Variants in DNAH2 observed in about 807,000 individuals in gnomAD.
DNAH2 encodes dynein axonemal heavy chain 2.
Under a neutral mutation model 523.5 loss-of-function variants are expected in DNAH2, and 323 were observed. The observed-to-expected ratio is 0.62, with a 90% confidence interval of 0.56 to 0.68. DNAH2 has a LOEUF of 0.68. DNAH2 is among the 30% of genes least tolerant of loss of function. The pLI is 0.00. For missense variants in DNAH2, 4,907 were observed against 5,701.5 expected (o/e 0.86, Z 4.49); for synonymous variants, 2,093 against 2,177.4 (o/e 0.96, Z 1.08).
chr17:7,788,054 T>TGA (rs1161686211), intron 43 of DNAH2, 32 bp from the exon 44 acceptor site: 1 of 1,613,502 alleles, frequency 6.2e-7, no homozygotes, highest in East Asian at 2.2e-5. Flanking sequence ...GACACAAGGG[T>TGA]GAATGAAGAG....
chr17:7,764,465 C>CTT (rs36076472), intron 20 of DNAH2, among the ~76,000 whole-genome samples, 192 bp downstream of exon 20: 4 of 143,904 alleles, frequency 2.8e-5, no homozygotes, highest in African/African-American at 5.1e-5. Flanking sequence ...TCTTCTTCCT[C>CTT]TTTTTTTTTT....
At position 7,833,437 on chromosome 17, in the gene DNAH2, C is replaced by T. The variant is rs778791797; in HGVS notation, c.13188C>T (p.Ala4396=). 1 of 1,614,182 alleles carries T rather than the reference C, an allele frequency of 6.2e-7. No individual in the cohort carries two copies. Among genetic ancestry groups the T allele is most frequent in the Non-Finnish European group, 8.5e-7 (1 of 1,180,032 alleles). Residue 4396 remains alanine, a synonymous_variant, in exon 86 of 86, where the codon GCC becomes GCT. Coordinates refer to ENST00000572933, the MANE Select transcript of DNAH2 (RefSeq NM_020877.5). ...YPNRAGSSDR[A]SFVIGIDLRS... ...ACCGGGCAGGCAGCTCAGACCGAGC[C>T]TCCTTTGTCATCGGCATTGACCTGC...
chr17:7,777,987 G>T, intron 33 of DNAH2, 90 bp from the exon 34 acceptor site: 1 of 1,240,464 alleles, frequency 8.1e-7, no homozygotes. Context: ...CAGCCTCCCT[G>T]ACAACTCTGA....
intron 3 of DNAH2, among the ~76,000 whole-genome samples, chr17:7,726,345 C>T (rs1203066851): frequency 2.6e-5 from 4 of 151,306 alleles, no homozygotes; most frequent in African/African-American, 9.7e-5. Flanking sequence ...ACTCTGTTAC[C>T]CAGGCTGGAG....
At chr17:7,809,428 C>T (rs568174498) in intron 63 of DNAH2, among the ~76,000 whole-genome samples, 8 of 152,240 alleles carry the variant, frequency 5.3e-5, no homozygotes, top group East Asian at 1.9e-4. Context: ...GTTGGGTGAA[C>T]GGGGCTTCTC....
intron 63 of DNAH2, among the ~76,000 whole-genome samples, chr17:7,810,641 G>A (rs1248581475): frequency 1.3e-5 from 2 of 151,902 alleles, no homozygotes; most frequent in Non-Finnish European, 1.5e-5. Context: ...TGCCCGTCTC[G>A]GCCTCCCAAA....
At position 7,780,007 on chromosome 17, in the gene DNAH2, G is replaced by A. The variant is rs2076560286; in HGVS notation, c.5723-150G>A. 9.5e-7 allele frequency: 1 copy of A among 1,047,248 alleles called. No homozygotes were observed. The highest frequency in any genetic ancestry group is 2.3e-5 in the Admixed American group (1 of 43,248). 64.9% of individuals were successfully genotyped at this position (1,047,248 alleles called of 1,614,324 possible). On this transcript the variant is annotated intron_variant, in intron 36 of 85. Coordinates refer to ENST00000572933, the MANE Select transcript of DNAH2 (RefSeq NM_020877.5). The surrounding 1 kb of genome is among the most constrained non-coding windows in gnomAD (Gnocchi z 4.4). ...AAGTGGACTGGGAAGGGCTGGGGCT[G>A]AGATGAGAAAGGATGTGGTCTTGGA...
At chr17:7,783,669 A>G (rs2076661547) in intron 39 of DNAH2, among the ~76,000 whole-genome samples, 1 of 152,008 alleles carries the variant, frequency 6.6e-6, no homozygotes, top group African/African-American at 2.4e-5. Context: ...GTAATGGCTC[A>G]TGCTTGTAGT....
intron 4 of DNAH2, among the ~76,000 whole-genome samples, chr17:7,731,764 C>G (rs2074995066): frequency 6.6e-6 from 1 of 152,156 alleles, no homozygotes; most frequent in Admixed American, 6.5e-5. Context: ...CACAGTGGCT[C>G]ACGCCTATAA....
chr17:7,739,165 G>A (rs896608756), intron 8 of DNAH2, among the ~76,000 whole-genome samples: 2 of 152,170 alleles, frequency 1.3e-5, no homozygotes, highest in African/African-American at 2.4e-5. Flanking sequence ...CAGCACTTTG[G>A]GAGGCTGAGG....
chr17:7,817,109 G>A (rs1206686066), intron 64 of DNAH2, among the ~76,000 whole-genome samples, 181 bp from the exon 65 acceptor site: 1 of 152,204 alleles, frequency 6.6e-6, no homozygotes, highest in East Asian at 1.9e-4. Context: ...ATTGCCATTA[G>A]AGATAGAGAA....
In DNAH2 at chr17:7,788,212, C is replaced by A; in HGVS notation, c.6868C>A (p.Leu2290Met). ...EYSGITSLCK[L>M]YSALATPENG... Reference sequence around the variant, plus strand: ...CAGCGGTATCACCTCCCTCTGCAAGCTGTACTCTGCCCTGGCCACGCCAGA... The same window carrying A: ...CAGCGGTATCACCTCCCTCTGCAAGATGTACTCTGCCCTGGCCACGCCAGA... Residue 2290 changes from leucine to methionine, a missense_variant, in exon 44 of 86, where the codon CTG becomes ATG. Physicochemically the swap from Leu to Met is conservative, Grantham distance 15. This residue lies in a region of DNAH2 where 2,806 missense variants were observed against 3,190.8 expected (regional missense o/e 0.88). Coordinates refer to ENST00000572933, the MANE Select transcript of DNAH2 (RefSeq NM_020877.5). 6.2e-7 allele frequency: 1 copy of A among 1,604,576 alleles called. No individual in the cohort carries two copies. Among genetic ancestry groups the A allele is most frequent in the Non-Finnish European group, 8.5e-7 (1 of 1,175,510 alleles).
In DNAH2 at chr17:7,792,835, G is replaced by A. The variant is rs760924073; in HGVS notation, c.7324G>A (p.Val2442Ile). Residue 2442 changes from valine to isoleucine, a missense_variant, in exon 47 of 86, where the codon GTT becomes ATT. By Grantham distance (29) the Val-to-Ile change is conservative (BLOSUM62 3). Around this residue, in one of 3 missense-constraint regions of DNAH2, gnomAD observed 2,806 missense variants for 3,190.8 expected, o/e 0.88. Transcript: ENST00000572933. Reference sequence around the variant, plus strand: ...GCCCTCCAGCCAGTGGTCGGTGCTCGTTGTCAACATGTCCGCACAGGTGTG... The same window carrying A: ...GCCCTCCAGCCAGTGGTCGGTGCTCATTGTCAACATGTCCGCACAGGTGTG... Reference protein sequence around the residue: ...SLPSSQWSVLVVNMSAQTTSN... With the variant: ...SLPSSQWSVLIVNMSAQTTSN... 20 of 1,614,020 alleles carry A rather than the reference G, an allele frequency of 1.2e-5. No homozygotes were observed. The highest frequency in any genetic ancestry group is 4.0e-5 in the African/African-American group (3 of 74,930).
intron 8 of DNAH2, among the ~76,000 whole-genome samples, chr17:7,737,733 G>T (rs925355903): frequency 2.6e-5 from 4 of 152,330 alleles, no homozygotes; most frequent in Non-Finnish European, 5.9e-5. Context: ...GCTGGGCAGG[G>T]TGGCTGCAGA....
Position 7,796,634 on chromosome 17 carries a change from C to A in DNAH2, c.7845C>A (p.Asn2615Lys). The A allele has an allele frequency of 2.5e-6, 4 of 1,612,448 alleles. No individual in the cohort carries two copies. Among genetic ancestry groups the A allele is most frequent in the Non-Finnish European group, 3.4e-6 (4 of 1,179,596 alleles). Residue 2615 changes from asparagine (N) to lysine (K), a missense_variant, in exon 50 of 86, where the codon AAC becomes AAA. By Grantham distance (94) the Asn-to-Lys change is moderately conservative. This residue lies in a region of DNAH2 where 250 missense variants were observed against 371.3 expected (regional missense o/e 0.67). Coordinates refer to ENST00000572933, the MANE Select transcript of DNAH2 (RefSeq NM_020877.5). ...CCACCAAGATGCATTACCTCTTCAA[C>A]CTTCGAGACATCTCCAAGGTGACTC... ...PTPTKMHYLF[N>K]LRDISKVFQG...
At chr17:7,784,708 A>G (rs914680813) in intron 39 of DNAH2, among the ~76,000 whole-genome samples, 3 of 152,260 alleles carry the variant, frequency 2.0e-5, no homozygotes, top group Admixed American at 2.0e-4. Flanking sequence ...TTCTGATCAC[A>G]GTGATAACTC....
rs2074547928 is a variant in DNAH2 at position 7,719,955 on chromosome 17, A to G, written c.166+55A>G. 6 of 1,439,286 alleles carry G rather than the reference A, an allele frequency of 4.2e-6. No individual in the cohort carries two copies. In the South Asian group the frequency reaches 8.9e-5, roughly 21 times the overall value. The allele number at this position is 1,439,286 out of a possible 1,614,324, so 89.2% of individuals were successfully genotyped here. ...AGCAATGGAGGGTGGGGAAAGTCAG[A>G]GGGGCTTGGAGGCATTTTAGGGCTG... On this transcript the variant is annotated intron_variant, in intron 2 of 85. Transcript: ENST00000572933.
At position 7,792,331 on chromosome 17, in the gene DNAH2, G is replaced by T; in HGVS notation, c.7133G>T (p.Arg2378Leu). Residue 2378 changes from arginine (R) to leucine (L), a missense_variant, in exon 46 of 86, where the codon CGC becomes CTC. Arg to Leu is a moderately radical substitution (Grantham distance 102, BLOSUM62 -2). Around this residue, in one of 3 missense-constraint regions of DNAH2, gnomAD observed 2,806 missense variants for 3,190.8 expected, o/e 0.88. Transcript: ENST00000572933. Reference sequence around the variant, plus strand: ...GAGGACAAGCTCCCTAAGAGTTGGCGCTACCCTCCAAAGTAAGAGCTGGGC... The same window carrying T: ...GAGGACAAGCTCCCTAAGAGTTGGCTCTACCCTCCAAAGTAAGAGCTGGGC... ...SFEDKLPKSW[R>L]YPPNAPFYKI... 6.2e-7 allele frequency: 1 copy of T among 1,614,066 alleles called. No homozygotes were observed. The highest frequency in any genetic ancestry group is 8.5e-7 in the Non-Finnish European group (1 of 1,180,010).
At position 7,828,261 on chromosome 17, in the gene DNAH2, C is replaced by A. The variant is rs974773385; in HGVS notation, c.11854-2039C>A. The stretch of plus-strand genomic sequence containing the variant: ...ATTACCATATAGCTTTATAATAATT[C>A]TTGATGGCTGGTAAGGCACATCTTC... On this transcript the variant is annotated intron_variant, in intron 77 of 85. Coordinates refer to ENST00000572933, the MANE Select transcript of DNAH2 (RefSeq NM_020877.5). This position sits in a 1 kb window ranked among gnomAD's most constrained non-coding sequence, Gnocchi z 4.1. Among the ~76,000 whole-genome samples the A allele has an allele frequency of 6.6e-6, 1 of 152,084 alleles. No individual in the cohort carries two copies. The highest frequency in any genetic ancestry group is 1.5e-5 in the Non-Finnish European group (1 of 68,038).
Sources: gnomAD v4.1 joint callset for allele counts (sites outside exome capture counted in the v4.1 genomes callset) on GRCh38, gnomAD v4.1.1 for gene constraint, gnomAD v4.1.1 regional missense constraint, Gnocchi (gnomAD v3.1) non-coding constraint, MANE v1.5 for transcripts, NCBI Gene and HGNC (gene_info 2026-07-23, HGNC 2026-07-21) for gene names.